UBTD1: variants seen among roughly 807,000 people sequenced by gnomAD.
UBTD1 encodes ubiquitin domain-containing protein 1.
A neutral mutation model predicts 21.7 loss-of-function variants in UBTD1; 19 were observed. That is an observed-to-expected ratio of 0.87 (90% confidence interval 0.61 to 1.28). The LOEUF (loss-of-function observed/expected upper bound fraction) is 1.28, where lower values mean the gene tolerates loss of function less well. Among genes scored for constraint, UBTD1 ranks in the 50% most tolerant of loss-of-function variants. The probability of loss-of-function intolerance (pLI) is 0.00; values close to 1 mark genes in which losing one functional copy is unlikely to be tolerated. For synonymous variants in UBTD1, 116 were observed against 135.1 expected (o/e 0.86, Z 0.98); for missense variants, 282 against 315.1 (o/e 0.89, Z 0.80).
At chr10:97,514,649 G>A (rs557852336) in intron 1 of UBTD1, among the ~76,000 whole-genome samples, 107 of 152,252 alleles carry the variant, frequency 7.0e-4, no homozygotes, top group Non-Finnish European at 1.3e-3. Context: ...CCGAGGAACC[G>A]GGGCAAGGTC....
chr10:97,528,115 C>T (rs1385376173), intron 1 of UBTD1, among the ~76,000 whole-genome samples: 3 of 129,632 alleles, frequency 2.3e-5, no homozygotes, highest in African/African-American at 5.7e-5. Flanking sequence ...GGAGGCTGGC[C>T]GGGCGGGGGG....
chr10:97,538,800 G>T (rs555118184), intron 1 of UBTD1, among the ~76,000 whole-genome samples: 7 of 152,286 alleles, frequency 4.6e-5, no homozygotes, highest in African/African-American at 1.4e-4. Context: ...TTGCACATAT[G>T]GTTTGCTTTG....
chr10:97,559,345 T>G (rs886716770), intron 1 of UBTD1, among the ~76,000 whole-genome samples: 19 of 152,354 alleles, frequency 1.2e-4, no homozygotes, highest in African/African-American at 4.1e-4. Flanking sequence ...AGCATAACAA[T>G]TGCATTTGTT....
chr10:97,548,021 T>C (rs921922062), intron 1 of UBTD1, among the ~76,000 whole-genome samples: 1 of 152,238 alleles, frequency 6.6e-6, no homozygotes, highest in African/African-American at 2.4e-5. Context: ...CACTTAATCC[T>C]TACAGCAGTC....
chr10:97,540,684 C>T (rs992176765), intron 1 of UBTD1, among the ~76,000 whole-genome samples: 2 of 152,212 alleles, frequency 1.3e-5, no homozygotes, highest in Non-Finnish European at 2.9e-5. Context: ...AGCCAGGGTT[C>T]TCTCTCAGGT....
In UBTD1 at chr10:97,498,940, C is replaced by T; in HGVS notation, c.-264C>T. The T allele has an allele frequency of 2.4e-6, 1 of 425,474 alleles. No individual in the cohort carries two copies. The highest frequency in any genetic ancestry group is 4.1e-6 in the Non-Finnish European group (1 of 241,396). The allele number at this position is 425,474 out of a possible 1,614,324, so 26.4% of individuals were successfully genotyped here. Reference sequence around the variant, plus strand: ...CCGCCCCCTCTCTCCGCCCCTCCAGCGGAGCTGGTCTCCGGCCGGGCACCG... The same window carrying T: ...CCGCCCCCTCTCTCCGCCCCTCCAGTGGAGCTGGTCTCCGGCCGGGCACCG... On this transcript the variant is annotated 5_prime_UTR_variant, in exon 1 of 3. Transcript: ENST00000370664.
At chr10:97,506,109 G>T (rs2040398574) in intron 1 of UBTD1, among the ~76,000 whole-genome samples, 1 of 152,158 alleles carries the variant, frequency 6.6e-6, no homozygotes, top group Admixed American at 6.5e-5. Flanking sequence ...TCTCTCAAAA[G>T]TGTTACCTCC....
intron 1 of UBTD1, among the ~76,000 whole-genome samples, chr10:97,556,247 TG>T (rs2040663467): frequency 6.6e-6 from 1 of 152,206 alleles, no homozygotes; most frequent in South Asian, 2.1e-4. Context: ...CACACTTGCA[TG>T]GGGGCATGTG....
intron 1 of UBTD1, among the ~76,000 whole-genome samples, chr10:97,507,738 T>TGC (rs2040404988): frequency 1.6e-5 from 2 of 126,290 alleles, no homozygotes; most frequent in South Asian, 5.1e-4. Context: ...ATTGCACCAC[T>TGC]GCACTCAAGC....
rs1050043307 is a variant in UBTD1, at chr10:97,499,197, A to G, written c.-7A>G. ...TCCGGTGCATGGGGACTGGCTGAGG[A>G]GCCAGCATGGGCAACTGCGTGGGGA... On this transcript the variant is annotated 5_prime_UTR_variant, in exon 1 of 3. Transcript: ENST00000370664. The G allele has an allele frequency of 6.5e-7, 1 of 1,543,178 alleles. No homozygotes were observed. Among genetic ancestry groups the G allele is most frequent in the African/African-American group, 1.4e-5 (1 of 72,070 alleles).
At chr10:97,566,286 T>TAA (rs34911218) in intron 1 of UBTD1, among the ~76,000 whole-genome samples, 173 of 137,870 alleles carry the variant, frequency 1.3e-3, no homozygotes, top group African/African-American at 4.3e-3. Flanking sequence ...TTTTTTTTTT[T>TAA]AAAACTATTA....
At chr10:97,529,637 C>G (rs1208838207) in intron 1 of UBTD1, among the ~76,000 whole-genome samples, 1 of 152,046 alleles carries the variant, frequency 6.6e-6, no homozygotes, top group Non-Finnish European at 1.5e-5. Context: ...TGCAGGCACT[C>G]GGCAGGCTGA....
intron 1 of UBTD1, among the ~76,000 whole-genome samples, chr10:97,510,761 C>G (rs1167266503): frequency 6.6e-6 from 1 of 152,060 alleles, no homozygotes; most frequent in Non-Finnish European, 1.5e-5. Context: ...AAGGCAAATC[C>G]GAAGCAAGTT....
intron 1 of UBTD1, among the ~76,000 whole-genome samples, chr10:97,566,241 G>A (rs1325372292): frequency 2.7e-5 from 4 of 149,924 alleles, no homozygotes; most frequent in South Asian, 2.1e-4. Context: ...AGTAAAGCTC[G>A]TACTGCCTTG....
chr10:97,501,397 G>A (rs2040375806), intron 1 of UBTD1, among the ~76,000 whole-genome samples: 1 of 152,160 alleles, frequency 6.6e-6, no homozygotes, highest in South Asian at 2.1e-4. Context: ...GACCAGCCTG[G>A]CCAACATGGC....
intron 1 of UBTD1, among the ~76,000 whole-genome samples, chr10:97,549,586 C>G (rs2040626653): frequency 6.6e-6 from 1 of 152,232 alleles, no homozygotes. Context: ...GAAGGGGGCT[C>G]TCAGGGGTGC....
At chr10:97,557,590 G>A (rs2040670758) in intron 1 of UBTD1, among the ~76,000 whole-genome samples, 1 of 151,810 alleles carries the variant, frequency 6.6e-6, no homozygotes, top group South Asian at 2.1e-4. Flanking sequence ...CCAATTTAGA[G>A]AACCGCATCC....
chr10:97,505,489 A>G (rs1398767109), intron 1 of UBTD1, among the ~76,000 whole-genome samples: 1 of 152,252 alleles, frequency 6.6e-6, no homozygotes. Context: ...CGTTTTAAAA[A>G]GATAATATTT....
intron 1 of UBTD1, among the ~76,000 whole-genome samples, chr10:97,539,056 G>A (rs1437231736): frequency 6.6e-6 from 1 of 152,212 alleles, no homozygotes; most frequent in Non-Finnish European, 1.5e-5. Context: ...AGGTGTCCCA[G>A]TTCAGGCAGC....
Sources: gnomAD v4.1 joint callset for allele counts (sites outside exome capture counted in the v4.1 genomes callset) on GRCh38, gnomAD v4.1.1 for gene constraint, MANE v1.5 for transcripts, NCBI Gene and HGNC (gene_info 2026-07-23, HGNC 2026-07-21) for gene names.